LPAR1: variants seen among roughly 807,000 people sequenced by gnomAD.
The protein encoded by LPAR1 is lysophosphatidic acid receptor 1.
LPAR1 carries 5 observed loss-of-function variants against 23.8 expected under a neutral mutation model. That is an observed-to-expected ratio of 0.21 (90% CI 0.11 to 0.44). LPAR1 has a LOEUF of 0.44. Among genes scored for constraint, LPAR1 ranks in the 20% least tolerant of loss-of-function variants. LPAR1 has a pLI of 0.99. For missense variants in LPAR1, 311 were observed against 482.8 expected, an observed-to-expected ratio of 0.64 and a Z score of 3.33; for synonymous variants, 160 against 164.7, an observed-to-expected ratio of 0.97 and a Z score of 0.22.
At chr9:110,901,601 A>G (rs1588213325) in intron 5 of LPAR1, among the ~76,000 whole-genome samples, 2 of 152,168 alleles carry the variant, frequency 1.3e-5, no homozygotes, top group East Asian at 3.9e-4. Context: ...ATTCACTATC[A>G]TGAGAACAGC....
Position 110,886,610 on chromosome 9 carries a change from T to C in LPAR1, c.794-10888A>G, listed in dbSNP as rs566668109. ...TCAGGATCCTCAGTCTTCACTTTGCTGTATCATAAAAAAGACAGTAAGATT... is the reference window on the plus strand; with the variant it reads ...TCAGGATCCTCAGTCTTCACTTTGCCGTATCATAAAAAAGACAGTAAGATT... On this transcript the variant is annotated intron_variant, in intron 5 of 5. Coordinates refer to ENST00000683809, the MANE Select transcript of LPAR1 (RefSeq NM_001351411.2). Among the ~76,000 whole-genome samples, 448 of 152,292 alleles carry C rather than the reference T, an allele frequency of 2.9e-3. 2 individuals are homozygous for C. Among genetic ancestry groups the C allele is most frequent in the Non-Finnish European group, 4.9e-3 (336 of 68,020 alleles).
chr9:110,922,591 G>A (rs1288391700), intron 5 of LPAR1, among the ~76,000 whole-genome samples: 4 of 151,910 alleles, frequency 2.6e-5, no homozygotes, highest in East Asian at 1.9e-4. Flanking sequence ...ACCTATATAC[G>A]TATTAAGTTG....
At chr9:111,026,433 C>G (rs576100975) in intron 2 of LPAR1, among the ~76,000 whole-genome samples, 2 of 152,142 alleles carry the variant, frequency 1.3e-5, no homozygotes, top group Non-Finnish European at 2.9e-5. Context: ...TTGGCTGAGA[C>G]GACAGGGTTT....
intron 5 of LPAR1, among the ~76,000 whole-genome samples, chr9:110,933,095 T>C (rs192244331): frequency 2.3e-4 from 35 of 152,338 alleles, no homozygotes; most frequent in Admixed American, 5.2e-4. Flanking sequence ...TAACAGGATT[T>C]TTCATACATA....
intron 5 of LPAR1, 71 bp from the exon 6 acceptor site, chr9:110,875,793 C>T: frequency 1.2e-6 from 1 of 809,804 alleles, no homozygotes. Flanking sequence ...AAACATGCGA[C>T]CATAAAGTGA....
chr9:110,991,574 TTTGTTTTGTTGTTGTTGTTG>T (rs1173882926), intron 2 of LPAR1, among the ~76,000 whole-genome samples: 15 of 83,314 alleles, frequency 1.8e-4, no homozygotes, highest in South Asian at 3.7e-4. Context: ...ATCTTTCTGG[TTTGTTTTGTTGTTGTTGTTG>T]TTGTTGTTGT....
chr9:110,892,704 AAAGG>A (rs1023545384), intron 5 of LPAR1, among the ~76,000 whole-genome samples: 2 of 146,078 alleles, frequency 1.4e-5, no homozygotes, highest in African/African-American at 5.0e-5. Flanking sequence ...AGGGGAAGGG[AAAGG>A]AAGGGAAAGG....
chr9:111,021,592 C>CT (rs2141093126), intron 2 of LPAR1, among the ~76,000 whole-genome samples: 1 of 152,230 alleles, frequency 6.6e-6, no homozygotes, highest in South Asian at 2.1e-4. Context: ...CATATTTTTC[C>CT]ATGTTTGCTG....
chr9:110,916,637 C>A (rs10481633), intron 5 of LPAR1, among the ~76,000 whole-genome samples: 9,184 of 152,036 alleles, frequency 0.06, 862 homozygotes, highest in African/African-American at 0.21. Flanking sequence ...GTTGGCCATA[C>A]TTTTTTTCCT....
intron 4 of LPAR1, among the ~76,000 whole-genome samples, chr9:110,942,383 A>T (rs1423114423): frequency 6.6e-6 from 1 of 152,234 alleles, no homozygotes; most frequent in Non-Finnish European, 1.5e-5. Flanking sequence ...TTGGAGTTAA[A>T]TAAATGACAA....
At chr9:110,975,077 A>T (rs543584583) in intron 2 of LPAR1, among the ~76,000 whole-genome samples, 31 of 152,326 alleles carry the variant, frequency 2.0e-4, no homozygotes, top group African/African-American at 7.2e-4. Flanking sequence ...TAATACAACT[A>T]AAAAGCAAAA....
In LPAR1 at chr9:111,002,380, C is replaced by T. The variant is rs936016436; in HGVS notation, c.-181-28822G>A. The stretch of plus-strand genomic sequence containing the variant: ...AAACCAATTTTAAACTTCTAAACCA[C>T]CTCAATCTGCACACTTAACAGTAAA... On this transcript the variant is annotated intron_variant, in intron 2 of 5. Transcript: ENST00000683809. 2.0e-5 allele frequency among the ~76,000 whole-genome samples: 3 copies of T among 152,180 alleles called. No homozygotes were observed. In the South Asian group the frequency reaches 6.2e-4, roughly 31 times the overall value.
chr9:110,987,185 T>C (rs968988689), intron 2 of LPAR1, among the ~76,000 whole-genome samples: 2 of 151,922 alleles, frequency 1.3e-5, no homozygotes, highest in African/African-American at 4.8e-5. Context: ...ATATCATGTA[T>C]GATAGGATAA....
chr9:111,038,136 C>T lies in LPAR1; in HGVS notation c.-262+31G>A, dbSNP rs1032519487. ...CCTCTGGCTTCGCGCCCAGGGGGCG[C>T]CGTCCCCACACGCCGCGCCGGCCCC... is the stretch of plus-strand genomic sequence containing the variant. On this transcript the variant is annotated intron_variant, in intron 1 of 5. Transcript: ENST00000683809. The surrounding 1 kb of genome is among the most constrained non-coding windows in gnomAD (Gnocchi z 4.4). 4 of 151,306 alleles carry T rather than the reference C, an allele frequency of 2.6e-5. No individual in the cohort carries two copies. Among genetic ancestry groups the T allele is most frequent in the African/African-American group, 9.7e-5 (4 of 41,348 alleles). The allele number at this position is 151,306 out of a possible 1,614,324, so 9.4% of individuals were successfully genotyped here. A position where few individuals can be genotyped will look rare whatever the true frequency, so the allele number is the denominator to read the frequency against.
Position 110,875,726 on chromosome 9 carries a change from C to T in LPAR1, c.794-4G>A. The T allele has an allele frequency of 1.3e-6, 2 of 1,560,594 alleles. No individual in the cohort carries two copies. Among genetic ancestry groups the T allele is most frequent in the Non-Finnish European group, 1.7e-6 (2 of 1,146,806 alleles). The stretch of plus-strand genomic sequence containing the variant: ...GTCCAGCAGATGATAAAGGCCCCTA[C>T]AAGGACAAGGATAGGGATCAGAAGG... On this transcript the variant is annotated splice_region_variant and splice_polypyrimidine_tract_variant and intron_variant, in intron 5 of 5. Transcript: ENST00000683809.
intron 2 of LPAR1, among the ~76,000 whole-genome samples, chr9:110,993,788 G>C (rs1011433592): frequency 6.6e-6 from 1 of 152,144 alleles, no homozygotes; most frequent in African/African-American, 2.4e-5. Context: ...CCTCAGATTA[G>C]GGAAATACAT....
At chr9:111,025,792 A>G (rs1481630895) in intron 2 of LPAR1, among the ~76,000 whole-genome samples, 1 of 152,216 alleles carries the variant, frequency 6.6e-6, no homozygotes, top group Non-Finnish European at 1.5e-5. Flanking sequence ...AACACCATTT[A>G]TTAAATAGGA....
At chr9:110,996,236 A>G (rs1369873799) in intron 2 of LPAR1, among the ~76,000 whole-genome samples, 1 of 152,080 alleles carries the variant, frequency 6.6e-6, no homozygotes, top group Non-Finnish European at 1.5e-5. Flanking sequence ...CCACTCCAAA[A>G]AAGAGATAAG....
At chr9:110,898,844 C>G (rs565155144) in intron 5 of LPAR1, among the ~76,000 whole-genome samples, 1 of 152,148 alleles carries the variant, frequency 6.6e-6, no homozygotes, top group Non-Finnish European at 1.5e-5. Context: ...TAAAATCAGG[C>G]CTTTCACGTA....
Sources: allele counts gnomAD v4.1 joint callset (sites outside exome capture counted in the v4.1 genomes callset), GRCh38; gene constraint gnomAD v4.1.1; non-coding constraint Gnocchi (gnomAD v3.1); transcripts MANE v1.5; gene names NCBI Gene and HGNC (gene_info 2026-07-23, HGNC 2026-07-21).